Variants in SCLT1 observed in about 807,000 individuals in gnomAD.
The protein encoded by SCLT1 is sodium channel and clathrin linker 1.
A neutral mutation model predicts 112.8 loss-of-function variants in SCLT1; 78 were observed. That is an observed-to-expected ratio of 0.69 (90% CI 0.58 to 0.83). The LOEUF is 0.83. Ranked by LOEUF, SCLT1 falls within the 40% of genes least tolerant of loss-of-function variation. The pLI, the probability that SCLT1 is intolerant of heterozygous loss-of-function variation, is 0.00. For missense variants in SCLT1, 747 were observed against 770.4 expected (o/e 0.97, Z 0.36); for synonymous variants, 257 against 254.7 (o/e 1.01, Z -0.09).
chr4:128,905,442 TTCCA>T (rs1256210635), intron 18 of SCLT1, among the ~76,000 whole-genome samples: 1 of 152,208 alleles, frequency 6.6e-6, no homozygotes, highest in Non-Finnish European at 1.5e-5. Flanking sequence ...CTAGTCTATT[TTCCA>T]TACAGTAGTT....
chr4:129,015,461 A>G (rs1373610963), intron 5 of SCLT1, among the ~76,000 whole-genome samples: 1 of 152,028 alleles, frequency 6.6e-6, no homozygotes, highest in Non-Finnish European at 1.5e-5. Context: ...CTCAAGTTGG[A>G]CTGGCCCTAT....
At chr4:128,991,734 T>C (rs921881038) in intron 9 of SCLT1, among the ~76,000 whole-genome samples, 1 of 151,802 alleles carries the variant, frequency 6.6e-6, no homozygotes, top group African/African-American at 2.4e-5. Flanking sequence ...CTCAGATGAT[T>C]TGTGGGTTCC....
intron 20 of SCLT1, among the ~76,000 whole-genome samples, chr4:128,885,617 G>C (rs763710037): frequency 3.6e-4 from 55 of 152,272 alleles, no homozygotes; most frequent in Non-Finnish European, 6.0e-4. Context: ...TTTAAAAGGA[G>C]AGACAATGCT....
intron 17 of SCLT1, among the ~76,000 whole-genome samples, chr4:128,938,283 C>T (rs1737381331): frequency 1.3e-5 from 2 of 152,124 alleles, no homozygotes; most frequent in South Asian, 2.1e-4. Flanking sequence ...CAAAACAAGG[C>T]CCAACAACAA....
chr4:128,928,329 T>G (rs1736466233), intron 18 of SCLT1, among the ~76,000 whole-genome samples: 1 of 152,048 alleles, frequency 6.6e-6, no homozygotes, highest in Non-Finnish European at 1.5e-5. Context: ...TCAGTCAATC[T>G]CTCTCATGAA....
intron 18 of SCLT1, among the ~76,000 whole-genome samples, chr4:128,896,281 AC>A (rs1208506333): frequency 1.3e-5 from 2 of 152,012 alleles, no homozygotes; most frequent in African/African-American, 4.8e-5. Context: ...ACTGGGAGGT[AC>A]CCCCCAGTAC....
chr4:128,966,438 T>C (rs189881533), intron 10 of SCLT1, among the ~76,000 whole-genome samples: 2 of 152,296 alleles, frequency 1.3e-5, no homozygotes, highest in South Asian at 2.1e-4. Context: ...CATATATCCA[T>C]GTACGATCCC....
intron 18 of SCLT1, among the ~76,000 whole-genome samples, chr4:128,936,085 T>C (rs554844778): frequency 6.6e-6 from 1 of 151,476 alleles, no homozygotes; most frequent in African/African-American, 2.4e-5. Flanking sequence ...TCTTTCTCCC[T>C]TCTCTTACCC....
At chr4:129,090,665 T>C (rs912324474) in intron 1 of SCLT1, among the ~76,000 whole-genome samples, 20 of 152,150 alleles carry the variant, frequency 1.3e-4, no homozygotes, top group African/African-American at 4.8e-4. Flanking sequence ...AAAAAATAAG[T>C]CCATCACCAC....
At chr4:129,066,512 A>G (rs1357183962) in intron 2 of SCLT1, among the ~76,000 whole-genome samples, 1 of 152,024 alleles carries the variant, frequency 6.6e-6, no homozygotes, top group Non-Finnish European at 1.5e-5. Flanking sequence ...ATTCTAGTAA[A>G]TCTTAAGATA....
chr4:128,925,905 C>CT (rs35335106), intron 18 of SCLT1, among the ~76,000 whole-genome samples: 1 of 151,692 alleles, frequency 6.6e-6, no homozygotes, highest in Non-Finnish European at 1.5e-5. Context: ...CCATTGGTTC[C>CT]TTTTTTGCAT....
At chr4:128,978,413 G>A (rs1741367633) in intron 9 of SCLT1, among the ~76,000 whole-genome samples, 1 of 151,876 alleles carries the variant, frequency 6.6e-6, no homozygotes, top group Non-Finnish European at 1.5e-5. Context: ...ATAAGGAAAT[G>A]GGGGAAGCAA....
At chr4:128,923,692 T>G (rs1002619247) in intron 18 of SCLT1, among the ~76,000 whole-genome samples, 2 of 152,104 alleles carry the variant, frequency 1.3e-5, no homozygotes, top group Non-Finnish European at 2.9e-5. Flanking sequence ...AGTGTATCAG[T>G]GGTTTGTTCC....
chr4:128,921,292 AC>A (rs1383512221), intron 18 of SCLT1, among the ~76,000 whole-genome samples: 2 of 152,124 alleles, frequency 1.3e-5, no homozygotes, highest in Admixed American at 6.5e-5. Context: ...ACAGAATTAG[AC>A]CAAAAAAACT....
intron 18 of SCLT1, among the ~76,000 whole-genome samples, chr4:128,935,343 A>C (rs542807671): frequency 6.6e-6 from 1 of 152,116 alleles, no homozygotes; most frequent in Non-Finnish European, 1.5e-5. Flanking sequence ...TGGTTAACAA[A>C]GTCACCACAT....
intron 9 of SCLT1, among the ~76,000 whole-genome samples, chr4:128,983,660 G>A (rs976811156): frequency 1.3e-5 from 2 of 152,122 alleles, no homozygotes; most frequent in African/African-American, 4.8e-5. Context: ...AGGTTCTTAA[G>A]AAAATAGGCT....
intron 1 of SCLT1, among the ~76,000 whole-genome samples, chr4:129,090,195 A>G (rs1200055603): frequency 6.6e-6 from 1 of 152,232 alleles, no homozygotes; most frequent in Non-Finnish European, 1.5e-5. Context: ...AAAAAGATAC[A>G]TCAATGATGT....
At chr4:129,023,253 T>C (rs1253170760) in intron 5 of SCLT1, among the ~76,000 whole-genome samples, 1 of 152,006 alleles carries the variant, frequency 6.6e-6, no homozygotes, top group Non-Finnish European at 1.5e-5. Flanking sequence ...GTGCAAAATA[T>C]CCAGCTAGCA....
chr4:129,058,055 C>T lies in SCLT1; in HGVS notation c.103-14004G>A, dbSNP rs112641456. Among the ~76,000 whole-genome samples the T allele has an allele frequency of 4.7e-3, 720 of 152,188 alleles. 4 individuals carry two copies. Among genetic ancestry groups the T allele is most frequent in the African/African-American group, 0.016 (660 of 41,530 alleles). ...TGAGCCATCATGCCTGGCCCAATCCCTTGTGTTTCTGTGGTATCATAATGT... is the reference window on the plus strand; with the variant it reads ...TGAGCCATCATGCCTGGCCCAATCCTTTGTGTTTCTGTGGTATCATAATGT... On this transcript the variant is annotated intron_variant, in intron 2 of 20. Coordinates refer to ENST00000281142, the MANE Select transcript of SCLT1 (RefSeq NM_144643.4).
Sources: gnomAD v4.1 joint callset for allele counts (sites outside exome capture counted in the v4.1 genomes callset) on GRCh38, gnomAD v4.1.1 for gene constraint, MANE v1.5 for transcripts, NCBI Gene and HGNC (gene_info 2026-07-23, HGNC 2026-07-21) for gene names.